The following PKP4 variants were observed in gnomAD, a reference collection of about 807,000 sequenced individuals.
PKP4 encodes the protein plakophilin-4.
Under a neutral mutation model 145.1 loss-of-function variants are expected in PKP4, and 90 were observed. The ratio of observed to expected loss-of-function variants is 0.62; its 90% CI spans 0.52 to 0.74. PKP4 has a LOEUF of 0.74. Among genes scored for constraint, PKP4 ranks in the 30% least tolerant of loss-of-function variants. The pLI, the probability that PKP4 is intolerant of heterozygous loss-of-function variation, is 0.00. For synonymous variants in PKP4, 563 were observed against 577.2 expected (o/e 0.98, Z 0.35); for missense variants, 1,340 against 1,482.7 (o/e 0.90, Z 1.58).
chr2:158,617,122 G>C (rs1264557936), intron 4 of PKP4, among the ~76,000 whole-genome samples: 2 of 152,100 alleles, frequency 1.3e-5, no homozygotes, highest in African/African-American at 4.8e-5. Flanking sequence ...TTAAATATTA[G>C]AGCACTCAAA....
intron 2 of PKP4, among the ~76,000 whole-genome samples, chr2:158,569,194 A>T (rs962169094): frequency 6.6e-6 from 1 of 152,252 alleles, no homozygotes; most frequent in African/African-American, 2.4e-5. Flanking sequence ...AGCATCTGGT[A>T]AACTTTACTA....
intron 2 of PKP4, among the ~76,000 whole-genome samples, chr2:158,564,765 G>T (rs1310074274): frequency 6.6e-6 from 1 of 152,144 alleles, no homozygotes; most frequent in Non-Finnish European, 1.5e-5. Context: ...GCATGTGTGT[G>T]TATAGTTTGA....
intron 1 of PKP4, among the ~76,000 whole-genome samples, chr2:158,469,651 A>G (rs1691240867): frequency 6.6e-6 from 1 of 152,164 alleles, no homozygotes; most frequent in African/African-American, 2.4e-5. Context: ...TGTTCATTCT[A>G]ATATTTTTAT....
intron 13 of PKP4, 153 bp downstream of exon 13, chr2:158,661,603 A>G: frequency 3.4e-6 from 2 of 586,406 alleles, no homozygotes; most frequent in South Asian, 1.9e-5. Context: ...CCAAAGTTAC[A>G]GGGGCAAGGA....
At chr2:158,565,549 A>G (rs1180994784) in intron 2 of PKP4, among the ~76,000 whole-genome samples, 1 of 151,140 alleles carries the variant, frequency 6.6e-6, no homozygotes, top group African/African-American at 2.4e-5. Flanking sequence ...CAATAAGGGT[A>G]ACGAAAAATA....
At chr2:158,508,376 AAAAAAAAAAAAAG>A (rs2041194638) in intron 1 of PKP4, among the ~76,000 whole-genome samples, 1 of 133,904 alleles carries the variant, frequency 7.5e-6, no homozygotes, top group Admixed American at 7.9e-5. Context: ...CAAAAAAAAA[AAAAAAAAAAAAAG>A]AAGAAGAAGA....
chr2:158,644,373 T>A (rs1479927421), intron 11 of PKP4, among the ~76,000 whole-genome samples: 1 of 152,166 alleles, frequency 6.6e-6, no homozygotes, highest in Non-Finnish European at 1.5e-5. Flanking sequence ...GCCTGGATGT[T>A]GCAGTGCTAG....
chr2:158,481,884 G>A (rs1009737438), intron 1 of PKP4, among the ~76,000 whole-genome samples: 1 of 152,156 alleles, frequency 6.6e-6, no homozygotes, highest in African/African-American at 2.4e-5. Flanking sequence ...CAGGTGAACA[G>A]TATTCACCTA....
intron 6 of PKP4, among the ~76,000 whole-genome samples, chr2:158,621,750 C>G (rs373605984): frequency 3.1e-5 from 2 of 64,466 alleles, no homozygotes; most frequent in African/African-American, 1.2e-4. Flanking sequence ...CGTCTCAAAA[C>G]AAAAAAAAAA....
At chr2:158,674,055 TC>T in intron 19 of PKP4, 55 bp downstream of exon 19, 1 of 967,016 alleles carries the variant, frequency 1.0e-6, no homozygotes, top group Non-Finnish European at 1.7e-6. Context: ...AGAACATTGT[TC>T]CCCAGCCAGA....
chr2:158,563,155 T>C (rs2046685846), intron 2 of PKP4, among the ~76,000 whole-genome samples: 1 of 152,176 alleles, frequency 6.6e-6, no homozygotes. Flanking sequence ...TCTTAAAACA[T>C]TTTCTTTGAT....
rs758957780 is a variant in PKP4 at position 158,678,670 on chromosome 2, C to T, written c.3330+16C>T. 4.1e-6 allele frequency: 6 copies of T among 1,467,124 alleles called. No individual in the cohort carries two copies. Among genetic ancestry groups the T allele is most frequent in the Non-Finnish European group, 2.9e-6 (3 of 1,046,740 alleles). The allele number at this position is 1,467,124 out of a possible 1,614,324, so 90.9% of individuals were successfully genotyped here. ...ACGGCTACAGGTGAATTTGCAATAT[C>T]ATTTTTACAGAAGGCTGATTAGCAG... On this transcript the variant is annotated intron_variant, in intron 21 of 21. Transcript: ENST00000389759.
intron 1 of PKP4, among the ~76,000 whole-genome samples, chr2:158,467,347 C>T (rs985992736): frequency 1.3e-5 from 2 of 152,126 alleles, no homozygotes; most frequent in African/African-American, 2.4e-5. Context: ...CTACTCTCAT[C>T]GCCTCCTAAA....
intron 3 of PKP4, among the ~76,000 whole-genome samples, chr2:158,602,070 A>G (rs1390223672): frequency 6.6e-6 from 1 of 152,202 alleles, no homozygotes; most frequent in Admixed American, 6.5e-5. Flanking sequence ...AAAGAAAAAC[A>G]TGTAATGGCT....
Position 158,621,139 on chromosome 2 carries a change from T to A in PKP4, c.412+18T>A, listed in dbSNP as rs1359937997. On this transcript the variant is annotated intron_variant, in intron 5 of 21. Transcript: ENST00000389759. ...AAGTGAGGGTCTGTTGTGTTATCTT[T>A]TAAGTACTGGATTTGCTTTTAAGAT... is the stretch of plus-strand genomic sequence containing the variant. 2 of 1,614,070 alleles carry A rather than the reference T, an allele frequency of 1.2e-6. No homozygotes were observed. Among genetic ancestry groups the A allele is most frequent in the South Asian group, 2.2e-5 (2 of 91,078 alleles).
At chr2:158,488,193 A>C (rs1276360412) in intron 1 of PKP4, among the ~76,000 whole-genome samples, 1 of 152,202 alleles carries the variant, frequency 6.6e-6, no homozygotes, top group Non-Finnish European at 1.5e-5. Flanking sequence ...TATAAAAAAA[A>C]TTGGAGGCAA....
intron 1 of PKP4, among the ~76,000 whole-genome samples, chr2:158,528,733 A>G (rs976033081): frequency 1.3e-5 from 2 of 151,596 alleles, no homozygotes. Flanking sequence ...CTGGGATAAA[A>G]TGAGAACACA....
intron 1 of PKP4, among the ~76,000 whole-genome samples, chr2:158,522,075 A>G (rs2042428679): frequency 6.6e-6 from 1 of 152,226 alleles, no homozygotes; most frequent in African/African-American, 2.4e-5. Context: ...GTTATATTCC[A>G]GACAGCTAAC....
chr2:158,586,909 C>T (rs1267002514), intron 3 of PKP4, among the ~76,000 whole-genome samples: 1 of 152,152 alleles, frequency 6.6e-6, no homozygotes, highest in African/African-American at 2.4e-5. Context: ...CATGTGACCC[C>T]AAGGTATTTC....
Sources: gnomAD v4.1 joint callset for allele counts (sites outside exome capture counted in the v4.1 genomes callset) on GRCh38, gnomAD v4.1.1 for gene constraint, MANE v1.5 for transcripts, NCBI Gene and HGNC (gene_info 2026-07-23, HGNC 2026-07-21) for gene names.